The following MOXD1 variants were observed in gnomAD, a reference collection of about 807,000 sequenced individuals.
MOXD1 encodes monooxygenase DBH like 1, also known as DBH-like monooxygenase protein 1.
Under a neutral mutation model 66.6 loss-of-function variants are expected in MOXD1, and 62 were observed. The ratio of observed to expected loss-of-function variants is 0.93; its 90% CI spans 0.76 to 1.15. The LOEUF (loss-of-function observed/expected upper bound fraction) is 1.15. Among genes scored for constraint, MOXD1 ranks in the 50% most tolerant of loss-of-function variants. MOXD1 has a pLI of 0.00. For missense variants in MOXD1, 847 were observed against 754.6 expected (o/e 1.12, Z -1.44); for synonymous variants, 303 against 281.9 (o/e 1.07, Z -0.75).
Position 132,401,070 on chromosome 6 carries a change from G to A in MOXD1, c.264+93C>T, listed in dbSNP as rs1346535933. ...GGGCTGCGCCAGGTGAGAGAGAGCT[G>A]CGGGCCCCGGGGACGACCCGCACCT... On this transcript the variant is annotated intron_variant, in intron 1 of 11. Coordinates refer to ENST00000367963, the MANE Select transcript of MOXD1 (RefSeq NM_015529.4). The A allele has an allele frequency of 3.9e-5, 53 of 1,347,580 alleles. No individual in the cohort carries two copies. The East Asian group carries it at 1.5e-3, about 37-fold the overall frequency. 83.5% of individuals were successfully genotyped at this position (1,347,580 alleles called of 1,614,324 possible). A position where few individuals can be genotyped will look rare whatever the true frequency, so the allele number is the denominator to read the frequency against.
At chr6:132,354,865 C>T (rs754674997) in intron 4 of MOXD1, among the ~76,000 whole-genome samples, 1 of 152,058 alleles carries the variant, frequency 6.6e-6, no homozygotes, top group African/African-American at 2.4e-5. Context: ...GTTCCCAGGT[C>T]AATGGAGTCA....
At chr6:132,352,147 C>G (rs1330624513) in intron 4 of MOXD1, among the ~76,000 whole-genome samples, 1 of 151,944 alleles carries the variant, frequency 6.6e-6, no homozygotes, top group Admixed American at 6.6e-5. Context: ...CAGGTCTGAT[C>G]CGGGTTATTT....
rs748393535 is a variant in MOXD1 at position 132,387,831 on chromosome 6, T to A, written c.265-13054A>T. Among the ~76,000 whole-genome samples, 36 of 150,294 alleles carry A rather than the reference T, an allele frequency of 2.4e-4. 1 individual carries two copies. The South Asian group carries it at 3.3e-3, about 14-fold the overall frequency. ...ATTATAACTAATTCAACTTTATTAG[T>A]GCATCCTCTACAAGGATATAGTGAG... On this transcript the variant is annotated intron_variant, in intron 1 of 11. Transcript: ENST00000367963.
At chr6:132,348,861 C>G (rs966171861) in intron 4 of MOXD1, among the ~76,000 whole-genome samples, 1 of 152,160 alleles carries the variant, frequency 6.6e-6, no homozygotes, top group Non-Finnish European at 1.5e-5. Context: ...ACCAGCATTT[C>G]TTTTTGGATT....
At chr6:132,394,782 TA>T in intron 1 of MOXD1, among the ~76,000 whole-genome samples, 1 of 151,796 alleles carries the variant, frequency 6.6e-6, no homozygotes. Context: ...ATTAAAAGGA[TA>T]AAAAAAGAAT....
intron 10 of MOXD1, among the ~76,000 whole-genome samples, chr6:132,304,673 A>G (rs749678015): frequency 2.0e-5 from 3 of 152,208 alleles, no homozygotes; most frequent in Non-Finnish European, 4.4e-5. Context: ...GTGTATAAGT[A>G]TGATTTTTCT....
chr6:132,372,630 T>C lies in MOXD1; in HGVS notation c.641A>G (p.Gln214Arg). Residue 214 changes from glutamine to arginine, a missense_variant, in exon 4 of 12, where the codon CAA becomes CGA. By Grantham distance (43) the Gln-to-Arg change is conservative. Coordinates refer to ENST00000367963, the MANE Select transcript of MOXD1 (RefSeq NM_015529.4). ...WCQMFKIPVF[Q>R]EKHHVIKVEP... ...TACCTTTATTACATGATGCTTTTCT[T>C]GGAACACAGGAATCTTAAACATTTG... The C allele has an allele frequency of 6.2e-7, 1 of 1,613,758 alleles. No individual in the cohort carries two copies. The highest frequency in any genetic ancestry group is 1.1e-5 in the South Asian group (1 of 91,074).
intron 4 of MOXD1, among the ~76,000 whole-genome samples, chr6:132,360,758 A>G (rs1361192907): frequency 6.6e-6 from 1 of 152,228 alleles, no homozygotes; most frequent in African/African-American, 2.4e-5. Context: ...TGCTCTATAT[A>G]CAAGACATAG....
chr6:132,348,846 G>A (rs930354334), intron 4 of MOXD1, among the ~76,000 whole-genome samples: 5 of 152,012 alleles, frequency 3.3e-5, no homozygotes, highest in East Asian at 3.9e-4. Context: ...TTCACTCCCC[G>A]CTAAACCAGC....
chr6:132,330,878 A>G (rs9321338), intron 4 of MOXD1, among the ~76,000 whole-genome samples: 5,201 of 152,230 alleles, frequency 0.034, 317 homozygotes, highest in African/African-American at 0.12. Flanking sequence ...AAGAAATTCC[A>G]GTTTTTAAAT....
intron 4 of MOXD1, among the ~76,000 whole-genome samples, chr6:132,342,870 G>A (rs529818990): frequency 2.0e-5 from 3 of 152,300 alleles, no homozygotes; most frequent in Admixed American, 6.5e-5. Context: ...ATACATCAAA[G>A]GGGTGAGTAT....
At chr6:132,354,517 C>T (rs987857408) in intron 4 of MOXD1, among the ~76,000 whole-genome samples, 3 of 152,222 alleles carry the variant, frequency 2.0e-5, no homozygotes, top group African/African-American at 7.2e-5. Context: ...GTCTATGGGC[C>T]TCTCAGCCAT....
intron 5 of MOXD1, 88 bp downstream of exon 5, chr6:132,328,326 CT>C (rs1775233539): frequency 2.0e-6 from 3 of 1,505,918 alleles, no homozygotes; most frequent in Middle Eastern, 1.8e-4. Context: ...AGCGTTAAAG[CT>C]TTACTTCTAA....
intron 4 of MOXD1, among the ~76,000 whole-genome samples, chr6:132,342,169 A>G (rs1775577175): frequency 6.6e-6 from 1 of 151,948 alleles, no homozygotes; most frequent in Non-Finnish European, 1.5e-5. Context: ...CACCCAGCTA[A>G]TTTTGTATTT....
At chr6:132,394,145 C>T (rs559070082) in intron 1 of MOXD1, among the ~76,000 whole-genome samples, 1 of 152,248 alleles carries the variant, frequency 6.6e-6, no homozygotes, top group Non-Finnish European at 1.5e-5. Flanking sequence ...CAAAACTTCA[C>T]CACAACCTCC....
intron 10 of MOXD1, among the ~76,000 whole-genome samples, chr6:132,298,951 AC>A (rs1774470659): frequency 6.6e-6 from 1 of 152,162 alleles, no homozygotes; most frequent in Non-Finnish European, 1.5e-5. Context: ...AAATAGTTCT[AC>A]CAAAAAGACC....
chr6:132,338,099 T>G (rs761165429), intron 4 of MOXD1, among the ~76,000 whole-genome samples: 8 of 152,086 alleles, frequency 5.3e-5, no homozygotes, highest in Non-Finnish European at 7.4e-5. Flanking sequence ...CAACCTTATG[T>G]GTTTAGGTAA....
chr6:132,375,889 C>T (rs1292484747), intron 1 of MOXD1, among the ~76,000 whole-genome samples: 1 of 152,192 alleles, frequency 6.6e-6, no homozygotes, highest in Non-Finnish European at 1.5e-5. Context: ...GGGGATAATA[C>T]ATACCTATTT....
At chr6:132,319,389 G>A (rs557072356) in intron 9 of MOXD1, among the ~76,000 whole-genome samples, 13 of 151,582 alleles carry the variant, frequency 8.6e-5, no homozygotes, top group African/African-American at 2.7e-4. Flanking sequence ...CCATGAACAC[G>A]GTATCTCTTA....
Sources: gnomAD v4.1 joint callset for allele counts (sites outside exome capture counted in the v4.1 genomes callset) on GRCh38, gnomAD v4.1.1 for gene constraint, MANE v1.5 for transcripts, NCBI Gene and HGNC (gene_info 2026-07-23, HGNC 2026-07-21) for gene names.